Variants in SMCR8 observed in about 807,000 individuals in gnomAD.
The protein encoded by SMCR8 is SMCR8-C9orf72 complex subunit, also known as guanine nucleotide exchange protein SMCR8.
A neutral mutation model predicts 56.6 loss-of-function variants in SMCR8; 30 were observed. The ratio of observed to expected loss-of-function variants is 0.53; its 90% confidence interval spans 0.40 to 0.72. The LOEUF is 0.72. Among genes scored for constraint, SMCR8 ranks in the 30% least tolerant of loss-of-function variants. The probability of loss-of-function intolerance (pLI) is 0.00; values close to 1 mark genes in which losing one functional copy is unlikely to be tolerated. For missense variants in SMCR8, 1,198 were observed against 1,157.0 expected, an observed-to-expected ratio of 1.04 and a Z score of -0.51; for synonymous variants, 538 against 456.0, an observed-to-expected ratio of 1.18 and a Z score of -2.29.
rs1386524617 is a variant in SMCR8 at position 18,327,104 on chromosome 17, TC to T, written c.*4035del. The T allele has an allele frequency of 6.6e-6, 1 of 152,288 alleles. No individual in the cohort carries two copies. Among genetic ancestry groups the T allele is most frequent in the African/African-American group, 2.4e-5 (1 of 41,456 alleles). 9.4% of individuals were successfully genotyped at this position (152,288 alleles called of 1,614,324 possible). On this transcript the variant is annotated 3_prime_UTR_variant, in exon 2 of 2. Coordinates refer to ENST00000406438, the MANE Select transcript of SMCR8 (RefSeq NM_144775.3). Reference sequence around the variant, plus strand: ...TGCAAAAAGGAAAAAGCATCAAGTTTCTACTTCTGGCTGGAAAGCAAAACCA... The same window carrying T: ...TGCAAAAAGGAAAAAGCATCAAGTTTTACTTCTGGCTGGAAAGCAAAACCA...
At position 18,315,897 on chromosome 17, in the gene SMCR8, C is replaced by G. The variant is rs143993891; in HGVS notation, c.108C>G (p.Pro36=). Residue 36 remains proline, a synonymous_variant, in exon 1 of 2, where the codon CCC becomes CCG. Coordinates refer to ENST00000406438, the MANE Select transcript of SMCR8 (RefSeq NM_144775.3). ...AGGAGTACTCGGTGCCGCTCTTCCC[C>G]TTCGCCAGTCAGGGTGCTAACCCCT... The part of the protein sequence containing the change: ...LPEEYSVPLF[P]FASQGANPWS... The G allele has an allele frequency of 6.2e-7, 1 of 1,614,070 alleles. No homozygotes were observed. Among genetic ancestry groups the G allele is most frequent in the Admixed American group, 1.7e-5 (1 of 60,010 alleles).
chr17:18,322,999 C>A lies in SMCR8; in HGVS notation c.2743C>A (p.Gln915Lys). 1 of 1,614,204 alleles carries A rather than the reference C, an allele frequency of 6.2e-7. No homozygotes were observed. ...TGAGCTGCTGAAGCTGCACTACATG[C>A]AGGAATCTCCAGGGACCAGCCACCC... is the stretch of plus-strand genomic sequence containing the variant. Reference protein sequence around the residue: ...LAELLKLHYMQESPGTSHPML... With the variant: ...LAELLKLHYMKESPGTSHPML... Residue 915 changes from glutamine to lysine, a missense_variant, in exon 2 of 2, where the codon CAG becomes AAG. By Grantham distance (53) the Gln-to-Lys change is moderately conservative. Coordinates refer to ENST00000406438, the MANE Select transcript of SMCR8 (RefSeq NM_144775.3).
intron 1 of SMCR8, among the ~76,000 whole-genome samples, chr17:18,318,578 A>G (rs1025844872): frequency 2.6e-5 from 4 of 151,714 alleles, no homozygotes; most frequent in African/African-American, 7.3e-5. Context: ...TAACTTTTCT[A>G]TTTTTAGTAG....
At position 18,323,617 on chromosome 17, in the gene SMCR8, G is replaced by A. The variant is rs374954410; in HGVS notation, c.*547G>A. 15 of 156,304 alleles carry A rather than the reference G, an allele frequency of 9.6e-5. No homozygotes were observed. The highest frequency in any genetic ancestry group is 3.4e-4 in the African/African-American group (14 of 41,608). The allele number at this position is 156,304 out of a possible 1,614,324, so 9.7% of individuals were successfully genotyped here. ...TAGGGGAGGCCCTGGACCAGCCAGT[G>A]GGGGTGAGAAAGGCTGCCACCCTCT... On this transcript the variant is annotated 3_prime_UTR_variant, in exon 2 of 2. Coordinates refer to ENST00000406438, the MANE Select transcript of SMCR8 (RefSeq NM_144775.3).
chr17:18,326,088 G>C lies in SMCR8; in HGVS notation c.*3018G>C, dbSNP rs747519924. 1.3e-5 allele frequency: 2 copies of C among 152,086 alleles called. No homozygotes were observed. The highest frequency in any genetic ancestry group is 2.9e-5 in the Non-Finnish European group (2 of 68,014). 9.4% of individuals were successfully genotyped at this position (152,086 alleles called of 1,614,324 possible). A position where few individuals can be genotyped will look rare whatever the true frequency, so the allele number is the denominator to read the frequency against. On this transcript the variant is annotated 3_prime_UTR_variant, in exon 2 of 2. Coordinates refer to ENST00000406438, the MANE Select transcript of SMCR8 (RefSeq NM_144775.3). ...AAAAAAAAAAAATTTTTCATTTGAG[G>C]TATTCTTCCAGTAGAAGGTTAGTAA...
chr17:18,317,697 C>T lies in SMCR8; in HGVS notation c.1908C>T (p.Asn636=), dbSNP rs745572226. 3 of 1,614,164 alleles carry T rather than the reference C, an allele frequency of 1.9e-6. No individual in the cohort carries two copies. Among genetic ancestry groups the T allele is most frequent in the Admixed American group, 1.7e-5 (1 of 60,026 alleles). ...FRVDFSVENA[N]PSSRDNSCEG... is the part of the protein sequence containing the mutation. ...TAGACTTTTCAGTGGAAAATGCCAA[C>T]CCTTCTTCCCGAGACAACAGTTGTG... The change falls in exon 1 of 2, where the codon AAC becomes AAT. Residue 636 remains asparagine (N), a synonymous_variant. Coordinates refer to ENST00000406438, the MANE Select transcript of SMCR8 (RefSeq NM_144775.3).
In SMCR8 at chr17:18,316,478, T is replaced by C. The variant is rs759547245; in HGVS notation, c.689T>C (p.Ile230Thr). 3 of 1,614,118 alleles carry C rather than the reference T, an allele frequency of 1.9e-6. No homozygotes were observed. The highest frequency in any genetic ancestry group is 2.5e-6 in the Non-Finnish European group (3 of 1,180,028). Residue 230 changes from isoleucine (I) to threonine (T), a missense_variant, in exon 1 of 2, where the codon ATT (isoleucine) becomes ACT (threonine). Ile to Thr is a moderately conservative substitution (Grantham distance 89). Transcript: ENST00000406438. ...AAAGGCTTTTACTCATCTCAGGCAA[T>C]TGAGAAAGCCAATGAACTGGCCAGT... ...NDKGFYSSQA[I>T]EKANELASVE...
At position 18,317,070 on chromosome 17, in the gene SMCR8, C is replaced by G; in HGVS notation, c.1281C>G (p.Ile427Met). 2 of 1,614,064 alleles carry G rather than the reference C, an allele frequency of 1.2e-6. No homozygotes were observed. The highest frequency in any genetic ancestry group is 2.2e-5 in the East Asian group (1 of 44,884). ...AGTCCAGTGTGGAGTCTGTGTTGAT[C>G]AAGATGGAGCAGGAACTGGGAGATG... is the stretch of plus-strand genomic sequence containing the variant. ...SYKSSVESVL[I>M]KMEQELGDEE... Residue 427 changes from isoleucine to methionine, a missense_variant, in exon 1 of 2, where the codon ATC becomes ATG. Ile to Met is a conservative substitution (Grantham distance 10). Coordinates refer to ENST00000406438, the MANE Select transcript of SMCR8 (RefSeq NM_144775.3).
rs1271931848 is a variant in SMCR8 at position 18,316,933 on chromosome 17, A to G, written c.1144A>G (p.Met382Val). The G allele has an allele frequency of 1.2e-6, 2 of 1,614,206 alleles. No homozygotes were observed. The highest frequency in any genetic ancestry group is 1.7e-6 in the Non-Finnish European group (2 of 1,180,034). The change falls in exon 1 of 2, where the codon ATG becomes GTG. Residue 382 changes from methionine (M) to valine (V), a missense_variant. Coordinates refer to ENST00000406438, the MANE Select transcript of SMCR8 (RefSeq NM_144775.3). ...FEDFVEVDDR[M>V]VEKQESIPSK... ...AGACTTTGTGGAGGTCGATGACAGGATGGTGGAGAAACAAGAAAGCATACC... is the reference window on the plus strand; with the variant it reads ...AGACTTTGTGGAGGTCGATGACAGGGTGGTGGAGAAACAAGAAAGCATACC...
In SMCR8 at chr17:18,322,650, T is replaced by C. The variant is rs1473610479; in HGVS notation, c.2394T>C (p.His798=). Residue 798 remains histidine, a synonymous_variant, in exon 2 of 2, where the codon CAT becomes CAC. Coordinates refer to ENST00000406438, the MANE Select transcript of SMCR8 (RefSeq NM_144775.3). ...CCCCTGCCGGTGCCGGTACCCTCCA[T>C]GCCCTGAGCCGCTACAGCCGCTACA... ...VASPAGAGTL[H]ALSRYSRYTS... The C allele has an allele frequency of 1.9e-6, 3 of 1,614,146 alleles. No homozygotes were observed. Among genetic ancestry groups the C allele is most frequent in the Non-Finnish European group, 2.5e-6 (3 of 1,180,024 alleles).
chr17:18,321,941 G>C (rs1567760433), intron 1 of SMCR8, among the ~76,000 whole-genome samples: 1 of 152,206 alleles, frequency 6.6e-6, no homozygotes, highest in Non-Finnish European at 1.5e-5. Context: ...GATCAGGGAA[G>C]GCTGAATATG....
At position 18,317,238 on chromosome 17, in the gene SMCR8, G is replaced by T. The variant is rs775862981; in HGVS notation, c.1449G>T (p.Val483=). The T allele has an allele frequency of 5.8e-5, 94 of 1,614,004 alleles. No individual in the cohort carries two copies. The highest frequency in any genetic ancestry group is 7.8e-5 in the Non-Finnish European group (92 of 1,180,034). The change falls in exon 1 of 2, where the codon GTG becomes GTT. Residue 483 remains valine, a synonymous_variant. Coordinates refer to ENST00000406438, the MANE Select transcript of SMCR8 (RefSeq NM_144775.3). Reference sequence around the variant, plus strand: ...TGGGCACGGAGAAATCCACCTCCGTGCTTTCTAAATCTGACAGCCAGGCAA... The same window carrying T: ...TGGGCACGGAGAAATCCACCTCCGTTCTTTCTAAATCTGACAGCCAGGCAA... ...EVLGTEKSTS[V]LSKSDSQASL...
At position 18,315,897 on chromosome 17, in the gene SMCR8, C is replaced by T. The variant is rs143993891; in HGVS notation, c.108C>T (p.Pro36=). ...LPEEYSVPLF[P]FASQGANPWS... ...AGGAGTACTCGGTGCCGCTCTTCCC[C>T]TTCGCCAGTCAGGGTGCTAACCCCT... Residue 36 remains proline (P), a synonymous_variant, in exon 1 of 2, where the codon CCC becomes CCT. Transcript: ENST00000406438. 27 of 1,614,188 alleles carry T rather than the reference C, an allele frequency of 1.7e-5. No homozygotes were observed. The highest frequency in any genetic ancestry group is 2.7e-5 in the African/African-American group (2 of 75,050).
chr17:18,322,507 T>C (rs1982527617), intron 1 of SMCR8, 110 bp from the exon 2 acceptor site: 1 of 922,728 alleles, frequency 1.1e-6, no homozygotes, highest in Non-Finnish European at 1.7e-6. Context: ...AGCCAGTGCA[T>C]GCTGGCTAGG....
In SMCR8 at chr17:18,316,833, C is replaced by T; in HGVS notation, c.1044C>T (p.Asp348=). 3.1e-6 allele frequency: 5 copies of T among 1,614,186 alleles called. No homozygotes were observed. The highest frequency in any genetic ancestry group is 4.2e-6 in the Non-Finnish European group (5 of 1,180,038). Residue 348 remains aspartate, a synonymous_variant, in exon 1 of 2, where the codon GAC becomes GAT. Transcript: ENST00000406438. The part of the protein sequence containing the change: ...LSHIEHMFRG[D]LCYLLTSQID... ...ACATTGAACACATGTTCAGAGGAGA[C>T]CTGTGTTACCTCCTGACCAGTCAGA...
rs754133835 is a variant in SMCR8 at position 18,316,245 on chromosome 17, G to A, written c.456G>A (p.Pro152=). 1.2e-5 allele frequency: 19 copies of A among 1,613,590 alleles called. No individual in the cohort carries two copies. Among genetic ancestry groups the A allele is most frequent in the Admixed American group, 5.0e-5 (3 of 60,000 alleles). ...TGGAGGCCCGTGGCTTCGTGAGGCC[G>A]TTTTGCATGGCTTATATCTCTGCAG... ...YDLEARGFVR[P]FCMAYISADQ... The change falls in exon 1 of 2, where the codon CCG becomes CCA. Residue 152 remains proline, a synonymous_variant. Transcript: ENST00000406438.
chr17:18,317,905 G>A lies in SMCR8; in HGVS notation c.2116G>A (p.Ala706Thr), dbSNP rs761080228. 2 of 1,614,150 alleles carry A rather than the reference G, an allele frequency of 1.2e-6. No individual in the cohort carries two copies. Among genetic ancestry groups the A allele is most frequent in the Admixed American group, 3.3e-5 (2 of 60,022 alleles). The change falls in exon 1 of 2, where the codon GCT (alanine) becomes ACT (threonine). Residue 706 changes from alanine (A) to threonine (T), a missense_variant. Ala to Thr is a moderately conservative substitution (Grantham distance 58). Coordinates refer to ENST00000406438, the MANE Select transcript of SMCR8 (RefSeq NM_144775.3). ...GLSSDRHKKR[A>T]GQNALKFIRQ... is the part of the protein sequence containing the mutation. ...GTCTTCCGATAGGCATAAAAAGAGG[G>A]CTGGCCAGAACGCCTTAAAATTCAT...
At chr17:18,319,698 G>C (rs1231930007) in intron 1 of SMCR8, among the ~76,000 whole-genome samples, 1 of 152,106 alleles carries the variant, frequency 6.6e-6, no homozygotes, top group Non-Finnish European at 1.5e-5. Context: ...GTCATTTGCG[G>C]GTTTTTTTGT....
At position 18,323,033 on chromosome 17, in the gene SMCR8, G is replaced by A. The variant is rs1336885295; in HGVS notation, c.2777G>A (p.Arg926Lys). ...ESPGTSHPMLRFDYVPSFLYK... is the reference protein window; with the variant it reads ...ESPGTSHPMLKFDYVPSFLYK... Reference sequence around the variant, plus strand: ...CCAGGGACCAGCCACCCCATGCTCAGGTTTGACTATGTCCCCAGCTTTTTG... The same window carrying A: ...CCAGGGACCAGCCACCCCATGCTCAAGTTTGACTATGTCCCCAGCTTTTTG... Residue 926 changes from arginine to lysine, a missense_variant, in exon 2 of 2, where the codon AGG (arginine) becomes AAG (lysine). Arg to Lys is a conservative substitution (Grantham distance 26). Transcript: ENST00000406438. 1.2e-6 allele frequency: 2 copies of A among 1,613,994 alleles called. No individual in the cohort carries two copies. Among genetic ancestry groups the A allele is most frequent in the African/African-American group, 2.7e-5 (2 of 74,942 alleles).
Sources: allele counts gnomAD v4.1 joint callset (sites outside exome capture counted in the v4.1 genomes callset), GRCh38; gene constraint gnomAD v4.1.1; transcripts MANE v1.5; gene names NCBI Gene and HGNC (gene_info 2026-07-23, HGNC 2026-07-21).